RBMS2: variants seen among roughly 807,000 people sequenced by gnomAD.
RBMS2 encodes the protein RNA-binding motif, single-stranded-interacting protein 2.
In RBMS2, 38 loss-of-function variants were observed where a neutral mutation model predicts 58.4. The ratio of observed to expected loss-of-function variants is 0.65; its 90% CI spans 0.50 to 0.85. The LOEUF (loss-of-function observed/expected upper bound fraction) is 0.85. Among genes scored for constraint, RBMS2 ranks in the 40% least tolerant of loss-of-function variants. The probability of loss-of-function intolerance (pLI) is 0.00; values close to 1 mark genes in which losing one functional copy is unlikely to be tolerated. For synonymous variants in RBMS2, 151 were observed against 180.7 expected (o/e 0.84, Z 1.32); for missense variants, 367 against 503.7 (o/e 0.73, Z 2.60).
At chr12:56,578,184 A>G (rs930312196) in intron 5 of RBMS2, among the ~76,000 whole-genome samples, 2 of 151,830 alleles carry the variant, frequency 1.3e-5, no homozygotes, top group Non-Finnish European at 2.9e-5. Flanking sequence ...GCTGGATTAC[A>G]GTGGTGTGAT....
chr12:56,577,399 G>A (rs1053595141), intron 5 of RBMS2, among the ~76,000 whole-genome samples: 4 of 151,096 alleles, frequency 2.6e-5, no homozygotes, highest in African/African-American at 4.9e-5. Context: ...CAACAAGAGC[G>A]AAACTCCATC....
intron 1 of RBMS2, among the ~76,000 whole-genome samples, chr12:56,530,065 A>C (rs530554576): frequency 2.6e-5 from 4 of 152,192 alleles, no homozygotes; most frequent in Non-Finnish European, 2.9e-5. Context: ...CCACATGCCC[A>C]GCTAATTAAA....
At chr12:56,521,289 G>C (rs189123246), upstream of RBMS2, among the ~76,000 whole-genome samples, 62 of 152,136 alleles carry the variant, frequency 4.1e-4, no homozygotes, top group Non-Finnish European at 7.9e-4. Context: ...AATCAGCTGG[G>C]TGTGGTGGTG....
Position 56,562,419 on chromosome 12 carries a change from AT to A in RBMS2, c.70del (p.Tyr24MetfsTer30). 1.2e-6 allele frequency: 2 copies of A among 1,601,170 alleles called. No individual in the cohort carries two copies. Among genetic ancestry groups the A allele is most frequent in the Non-Finnish European group, 1.7e-6 (2 of 1,168,278 alleles). ...FGYNRNNKKPYVSLAQQMAPP... is the reference protein window; with the variant it reads ...FGYNRNNKKPXVSLAQQMAPP... ...CTCTTCCTCATGTCTCCCTGCAGCCATATGTGTCATTGGCTCAGCAGATGGC... is the reference window on the plus strand; with the variant it reads ...CTCTTCCTCATGTCTCCCTGCAGCCAATGTGTCATTGGCTCAGCAGATGGC... On this transcript the variant is annotated frameshift_variant, in exon 2 of 14. Coordinates refer to ENST00000262031, the MANE Select transcript of RBMS2 (RefSeq NM_002898.4). LOFTEE classifies it high-confidence loss of function.
intron 1 of RBMS2, among the ~76,000 whole-genome samples, chr12:56,526,361 T>C (rs925952938): frequency 6.6e-6 from 1 of 151,938 alleles, no homozygotes; most frequent in African/African-American, 2.4e-5. Flanking sequence ...GGTAGGATTA[T>C]TTTATTTTGA....
intron 1 of RBMS2, among the ~76,000 whole-genome samples, chr12:56,529,042 CA>C (rs1173123062): frequency 1.3e-5 from 2 of 152,026 alleles, no homozygotes; most frequent in Non-Finnish European, 2.9e-5. Context: ...GGCAGGTTCT[CA>C]AAAGGTTAAG....
chr12:56,533,161 C>T (rs1874082621), intron 1 of RBMS2, among the ~76,000 whole-genome samples: 1 of 151,976 alleles, frequency 6.6e-6, no homozygotes, highest in Non-Finnish European at 1.5e-5. Flanking sequence ...AGTGCAGTGG[C>T]ATGATCGTAG....
At chr12:56,575,616 C>T (rs1386950856) in intron 5 of RBMS2, among the ~76,000 whole-genome samples, 1 of 151,754 alleles carries the variant, frequency 6.6e-6, no homozygotes, top group African/African-American at 2.4e-5. Flanking sequence ...TAGTCTCGGC[C>T]AGGCATGGTG....
rs542084205 is a variant in RBMS2 at position 56,591,459 on chromosome 12, A to G, written c.*2326A>G. The G allele has an allele frequency of 3.3e-4, 50 of 152,104 alleles. No homozygotes were observed. The highest frequency in any genetic ancestry group is 3.4e-3 in the Middle Eastern group (1 of 294). The allele number at this position is 152,104 out of a possible 1,614,324, so 9.4% of individuals were successfully genotyped here. A position where few individuals can be genotyped will look rare whatever the true frequency, so the allele number is the denominator to read the frequency against. On this transcript the variant is annotated 3_prime_UTR_variant, in exon 14 of 14. Transcript: ENST00000262031. ...GCAGTCTTCTAATTGATGCTTCCAA[A>G]CTCAGGAAGGGCTTATCCAGTGTAA...
At chr12:56,575,762 C>T (rs144156926) in intron 5 of RBMS2, among the ~76,000 whole-genome samples, 1,594 of 151,974 alleles carry the variant, frequency 0.01, 26 homozygotes, top group African/African-American at 0.036. Flanking sequence ...GGCATGGTGG[C>T]GCATGCCTGT....
At position 56,595,820 on chromosome 12, in the gene RBMS2, A is replaced by C. The variant is rs1885733019; in HGVS notation, c.*6687A>C. 6.6e-6 allele frequency: 1 copy of C among 152,554 alleles called. No individual in the cohort carries two copies. Among genetic ancestry groups the C allele is most frequent in the Non-Finnish European group, 1.5e-5 (1 of 68,042 alleles). The allele number at this position is 152,554 out of a possible 1,614,324, so 9.5% of individuals were successfully genotyped here. A position where few individuals can be genotyped will look rare whatever the true frequency, so the allele number is the denominator to read the frequency against. On this transcript the variant is annotated 3_prime_UTR_variant, in exon 14 of 14. Coordinates refer to ENST00000262031, the MANE Select transcript of RBMS2 (RefSeq NM_002898.4). ...ATCCACACAGAGGGTATGGAACAGG[A>C]GCCCCTGTTGTTCCCTTGCCTGTGG...
At chr12:56,527,644 C>CA (rs907211907) in intron 1 of RBMS2, among the ~76,000 whole-genome samples, 97 of 147,602 alleles carry the variant, frequency 6.6e-4, no homozygotes, top group South Asian at 6.2e-3. Context: ...AAAACAAAAA[C>CA]AAAAAAAAAA....
intron 1 of RBMS2, among the ~76,000 whole-genome samples, chr12:56,542,612 G>A (rs929672272): frequency 2.1e-5 from 3 of 145,282 alleles, no homozygotes; most frequent in African/African-American, 5.1e-5. Flanking sequence ...GCAGTGGCCC[G>A]ATCTTGGCTC....
chr12:56,571,932 T>C (rs1882358135), intron 5 of RBMS2, 77 bp downstream of exon 5: 1 of 1,296,634 alleles, frequency 7.7e-7, no homozygotes, highest in Non-Finnish European at 1.0e-6. Flanking sequence ...ACAAAATCTA[T>C]GCCTTTCCCA....
intron 9 of RBMS2, among the ~76,000 whole-genome samples, chr12:56,586,305 T>C (rs1884660877): frequency 6.6e-6 from 1 of 151,100 alleles, no homozygotes; most frequent in Admixed American, 6.6e-5. Flanking sequence ...GCACTCCAGC[T>C]TGGGTGACAG....
chr12:56,586,575 A>AT (rs1475411318), intron 9 of RBMS2, among the ~76,000 whole-genome samples: 1 of 147,846 alleles, frequency 6.8e-6, no homozygotes, highest in Non-Finnish European at 1.5e-5. Flanking sequence ...TTTTTTACTA[A>AT]TTTTTTTAGT....
chr12:56,588,343 C>T lies in RBMS2; in HGVS notation c.1112C>T (p.Thr371Ile), dbSNP rs764316068. The T allele has an allele frequency of 1.2e-6, 2 of 1,613,704 alleles. No individual in the cohort carries two copies. Among genetic ancestry groups the T allele is most frequent in the East Asian group, 2.2e-5 (1 of 44,876 alleles). Residue 371 changes from threonine (T) to isoleucine (I), a missense_variant, in exon 12 of 14, where the codon ACC (threonine) becomes ATC (isoleucine). Around this residue, in one of 3 missense-constraint regions of RBMS2, gnomAD observed 220 missense variants for 261.1 expected, o/e 0.84. Coordinates refer to ENST00000262031, the MANE Select transcript of RBMS2 (RefSeq NM_002898.4). ...AMQGAYISQY[T>I]PVPSSSVSVE... ...CAAGGAGCTTACATCTCCCAGTACA[C>T]CCCTGTGCCTTCTTCCAGTGTTTCA...
chr12:56,530,077 A>C, intron 1 of RBMS2, among the ~76,000 whole-genome samples: 1 of 152,174 alleles, frequency 6.6e-6, no homozygotes, highest in African/African-American at 2.4e-5. Context: ...CTAATTAAAA[A>C]AAATTTTTTT....
chr12:56,573,703 A>G (rs1421157119), intron 5 of RBMS2, among the ~76,000 whole-genome samples: 2 of 151,976 alleles, frequency 1.3e-5, no homozygotes, highest in African/African-American at 4.8e-5. Context: ...CCCTAGACCA[A>G]AAGAAATACC....
Sources: allele counts gnomAD v4.1 joint callset (sites outside exome capture counted in the v4.1 genomes callset), GRCh38; gene constraint gnomAD v4.1.1; regional missense constraint gnomAD v4.1.1; transcripts MANE v1.5; gene names NCBI Gene and HGNC (gene_info 2026-07-23, HGNC 2026-07-21).